Variants in LIPJ observed in about 807,000 individuals in gnomAD.
LIPJ encodes lipase family member J, also known as lipase member J.
A neutral mutation model predicts 39.8 loss-of-function variants in LIPJ; 33 were observed. The observed-to-expected ratio is 0.83, with a 90% CI of 0.63 to 1.11. LIPJ has a LOEUF of 1.11. Among genes scored for constraint, LIPJ ranks in the 50% least tolerant of loss-of-function variants. The probability of loss-of-function intolerance (pLI) is 0.00; values close to 1 mark genes in which losing one functional copy is unlikely to be tolerated. For synonymous variants in LIPJ, 128 were observed against 139.2 expected, an observed-to-expected ratio of 0.92 and a Z score of 0.57; for missense variants, 422 against 427.9, an observed-to-expected ratio of 0.99 and a Z score of 0.12.
Position 88,590,568 on chromosome 10 carries a change from C to A in LIPJ, c.-103-17C>A, listed in dbSNP as rs549117668. 6.6e-6 allele frequency: 5 copies of A among 755,964 alleles called. No individual in the cohort carries two copies. In the East Asian group the frequency reaches 1.0e-4, roughly 16 times the overall value. 46.8% of individuals were successfully genotyped at this position (755,964 alleles called of 1,614,324 possible). A position where few individuals can be genotyped will look rare whatever the true frequency, so the allele number is the denominator to read the frequency against. On this transcript the variant is annotated splice_polypyrimidine_tract_variant and intron_variant, in intron 2 of 10. Coordinates refer to ENST00000371939, the Ensembl canonical transcript of LIPJ. ...GCTGCAATTTTAACTGTATAAACAT[C>A]TCCCTTTTATATATAGGTCCCAAAC...
At chr10:88,596,250 C>T in intron 6 of LIPJ, 30 bp from the exon 7 acceptor site, 1 of 1,266,462 alleles carries the variant, frequency 7.9e-7, no homozygotes, top group Non-Finnish European at 1.0e-6. Flanking sequence ...TTAAGAATAG[C>T]TTACTAATTT....
chr10:88,606,907 A>G, exon 11 of LIPJ: 1 of 1,523,796 alleles, frequency 6.6e-7, no homozygotes, highest in Non-Finnish European at 8.8e-7. Flanking sequence ...ACAATCTATA[A>G]AGAACCATGG....
downstream of LIPJ, among the ~76,000 whole-genome samples, chr10:88,607,605 A>G (rs1045939449): frequency 3.3e-5 from 5 of 152,212 alleles, no homozygotes; most frequent in African/African-American, 1.2e-4. Flanking sequence ...TGGTGCATAT[A>G]AGATCCAAGA....
chr10:88,596,894 C>A, exon 8 of LIPJ: 1 of 1,584,628 alleles, frequency 6.3e-7, no homozygotes, highest in Non-Finnish European at 8.6e-7. Flanking sequence ...GCCTCAATAT[C>A]TTGTTTATGA....
At chr10:88,606,473 T>C (rs1236946960) in intron 10 of LIPJ, among the ~76,000 whole-genome samples, 1 of 152,212 alleles carries the variant, frequency 6.6e-6, no homozygotes, top group Non-Finnish European at 1.5e-5. Context: ...TTTAGATTTA[T>C]GTATGACTTA....
At chr10:88,613,834 G>GTA in the LIPJ span, among the ~76,000 whole-genome samples, 8 of 134,214 alleles carry the variant, frequency 6.0e-5, no homozygotes, top group East Asian at 2.1e-4. Flanking sequence ...ATATATGTGT[G>GTA]TATATATATA....
At chr10:88,600,502 T>C (rs565876102) in intron 8 of LIPJ, among the ~76,000 whole-genome samples, 2 of 152,344 alleles carry the variant, frequency 1.3e-5, no homozygotes, top group East Asian at 1.9e-4. Flanking sequence ...TCTACCTTCA[T>C]GACCATTTTA....
chr10:88,594,326 T>G, intron 5 of LIPJ, 182 bp downstream of exon 5: 2 of 577,954 alleles, frequency 3.5e-6, no homozygotes, highest in Non-Finnish European at 6.0e-6. Flanking sequence ...TGAGTTTGAT[T>G]CTTACGTTTC....
the LIPJ span, chr10:88,618,785 CT>C: frequency 5.6e-6 from 1 of 178,494 alleles, no homozygotes; most frequent in Admixed American, 5.4e-5. Context: ...TAGTGCTTAG[CT>C]TTTTCATAGA....
intron 10 of LIPJ, among the ~76,000 whole-genome samples, chr10:88,606,348 T>C (rs1851664425): frequency 6.6e-6 from 1 of 152,302 alleles, no homozygotes; most frequent in South Asian, 2.1e-4. Flanking sequence ...GACAAACATA[T>C]TGACAGTAAT....
chr10:88,594,762 A>T, exon 6 of LIPJ: 1 of 1,505,032 alleles, frequency 6.6e-7, no homozygotes, highest in Admixed American at 1.9e-5. Flanking sequence ...GGCCATTCAC[A>T]GGGTACTACT....
the LIPJ span, chr10:88,618,817 T>C: frequency 1.2e-5 from 2 of 173,358 alleles, no homozygotes; most frequent in Admixed American, 1.1e-4. Context: ...CCTTGCCTTT[T>C]GAAGCATATT....
intron 4 of LIPJ, chr10:88,592,775 G>T (rs1470962218): frequency 6.6e-6 from 1 of 151,786 alleles, no homozygotes; most frequent in African/African-American, 2.4e-5. Flanking sequence ...CAACACTAGG[G>T]CCATAACTAG....
the LIPJ span, chr10:88,618,147 A>AT: frequency 8.2e-4 from 124 of 151,122 alleles, no homozygotes; most frequent in African/African-American, 2.7e-3. Flanking sequence ...TCAAGCTGGT[A>AT]TTTTTTTTTC....
chr10:88,602,501 A>G, intron 8 of LIPJ, 75 bp from the exon 9 acceptor site: 1 of 955,316 alleles, frequency 1.0e-6, no homozygotes, highest in Non-Finnish European at 1.5e-6. Context: ...ATTTAGTTCA[A>G]TAAATATTAA....
chr10:88,587,976 CT>C (rs1289844908), intron 2 of LIPJ, among the ~76,000 whole-genome samples: 1 of 151,856 alleles, frequency 6.6e-6, no homozygotes, highest in African/African-American at 2.4e-5. Flanking sequence ...TTTACATTAT[CT>C]TTTTTTGTAA....
exon 10 of LIPJ, chr10:88,605,651 T>C (rs1851640411): frequency 1.9e-6 from 3 of 1,611,328 alleles, no homozygotes; most frequent in East Asian, 2.2e-5. Context: ...TTCTACTCAT[T>C]TGAAAGCTTA....
chr10:88,594,228 T>C lies in LIPJ; in HGVS notation c.329+84T>C, dbSNP rs1851178045. 6.8e-6 allele frequency: 7 copies of C among 1,022,190 alleles called. No homozygotes were observed. In the Admixed American group the frequency reaches 1.1e-4, roughly 16 times the overall value. The allele number at this position is 1,022,190 out of a possible 1,614,324, so 63.3% of individuals were successfully genotyped here. A position where few individuals can be genotyped will look rare whatever the true frequency, so the allele number is the denominator to read the frequency against. ...AATGCAATAAAATAAAATTTAGGTCTTACTATTTTCACAATTTAGGACTTT... is the reference window on the plus strand; with the variant it reads ...AATGCAATAAAATAAAATTTAGGTCCTACTATTTTCACAATTTAGGACTTT... On this transcript the variant is annotated intron_variant, in intron 5 of 10. Coordinates refer to ENST00000371939, the Ensembl canonical transcript of LIPJ.
At chr10:88,594,059 G>A (rs750582863) in exon 5 of LIPJ, 2 of 1,612,302 alleles carry the variant, frequency 1.2e-6, no homozygotes, top group Admixed American at 1.7e-5. Flanking sequence ...TGGTTATGAT[G>A]TGTGGATGGG....
Sources: gnomAD v4.1 joint callset for allele counts (sites outside exome capture counted in the v4.1 genomes callset) on GRCh38, gnomAD v4.1.1 for gene constraint, MANE v1.5 for transcripts, NCBI Gene and HGNC (gene_info 2026-07-23, HGNC 2026-07-21) for gene names.